CSMD1: variants seen among roughly 807,000 people sequenced by gnomAD.
The protein encoded by CSMD1 is CUB and Sushi multiple domains 1.
A neutral mutation model predicts 417.5 loss-of-function variants in CSMD1; 213 were observed. The ratio of observed to expected loss-of-function variants is 0.51; its 90% CI spans 0.46 to 0.57. The LOEUF (loss-of-function observed/expected upper bound fraction) is 0.57, where lower values mean the gene tolerates loss of function less well. Ranked by LOEUF, CSMD1 falls within the 20% of genes least tolerant of loss-of-function variation. The pLI, the probability that CSMD1 is intolerant of heterozygous loss-of-function variation, is 0.00. For synonymous variants in CSMD1, 2,862 were observed against 1,736.8 expected (o/e 1.65, Z -16.11); for missense variants, 6,923 against 4,529.7 (o/e 1.53, Z -15.17).
chr8:3,803,313 G>A (rs1056354610), intron 5 of CSMD1, among the ~76,000 whole-genome samples: 3 of 152,268 alleles, frequency 2.0e-5, no homozygotes, highest in African/African-American at 4.8e-5. Flanking sequence ...TGGGTAGGGA[G>A]ATACTGCTAT....
intron 3 of CSMD1, among the ~76,000 whole-genome samples, chr8:4,246,644 G>T (rs909717246): frequency 2.6e-5 from 4 of 152,130 alleles, no homozygotes; most frequent in Non-Finnish European, 5.9e-5. Flanking sequence ...TTCTGCAAAT[G>T]CTGAGGCAAG....
rs531321240 is a variant in CSMD1, at chr8:4,510,511, T to G, written c.303-90446A>C. Among the ~76,000 whole-genome samples, 58 of 150,284 alleles carry G rather than the reference T, an allele frequency of 3.9e-4. No individual in the cohort carries two copies. In the South Asian group the frequency reaches 9.5e-3, roughly 25 times the overall value. ...CTACCTCAGATAATAATTAGCTTCA[T>G]GAACTTAGGTGAGTCTCTTCCCTAC... On this transcript the variant is annotated intron_variant, in intron 2 of 69. Coordinates refer to ENST00000635120, the MANE Select transcript of CSMD1 (RefSeq NM_033225.6).
chr8:3,649,239 T>C (rs1797726412), intron 7 of CSMD1, among the ~76,000 whole-genome samples: 1 of 152,218 alleles, frequency 6.6e-6, no homozygotes, highest in Non-Finnish European at 1.5e-5. Context: ...TTATATATTC[T>C]TCTGTAACAT....
chr8:3,741,589 G>C (rs187189611), intron 6 of CSMD1, among the ~76,000 whole-genome samples: 2 of 152,276 alleles, frequency 1.3e-5, no homozygotes, highest in African/African-American at 2.4e-5. Context: ...TTAACTGTTT[G>C]TTAGAACCTG....
chr8:3,973,586 G>GA (rs1563271380), intron 5 of CSMD1, among the ~76,000 whole-genome samples: 1 of 151,958 alleles, frequency 6.6e-6, no homozygotes, highest in African/African-American at 2.4e-5. Context: ...AAAAAAGAAG[G>GA]AAAAAAGGGA....
chr8:3,972,304 T>C (rs553154957), intron 5 of CSMD1, among the ~76,000 whole-genome samples: 1 of 152,222 alleles, frequency 6.6e-6, no homozygotes, highest in South Asian at 2.1e-4. Context: ...ACCAACACAA[T>C]GTTAGAAATC....
At chr8:3,473,580 C>G (rs544887790) in intron 11 of CSMD1, among the ~76,000 whole-genome samples, 1 of 152,126 alleles carries the variant, frequency 6.6e-6, no homozygotes, top group African/African-American at 2.4e-5. Context: ...CCCTTTGCAA[C>G]TGGTTATCTG....
At chr8:4,090,514 G>T (rs1442196122) in intron 3 of CSMD1, among the ~76,000 whole-genome samples, 1 of 152,142 alleles carries the variant, frequency 6.6e-6, no homozygotes, top group Admixed American at 6.5e-5. Flanking sequence ...TTCATGGAAA[G>T]CTTTGTACAC....
At chr8:3,037,393 A>G (rs1810762141) in intron 50 of CSMD1, among the ~76,000 whole-genome samples, 1 of 150,140 alleles carries the variant, frequency 6.7e-6, no homozygotes, top group Admixed American at 6.7e-5. Context: ...TATTTTTAGT[A>G]GAGATGGGGT....
Position 3,298,452 on chromosome 8 carries a change from C to T in CSMD1, c.3950+9243G>A, listed in dbSNP as rs181447476. ...GAGACACATAATTAATAAAACTGTA[C>T]AATCTCTCTCTCTCTTTTTTAGACA... On this transcript the variant is annotated intron_variant, in intron 25 of 69. Transcript: ENST00000635120. Among the ~76,000 whole-genome samples the T allele has an allele frequency of 1.4e-4, 21 of 149,298 alleles. 1 individual carries two copies. The East Asian group carries it at 4.0e-3, about 28-fold the overall frequency.
At chr8:4,191,323 G>C (rs899614449) in intron 3 of CSMD1, among the ~76,000 whole-genome samples, 1 of 152,102 alleles carries the variant, frequency 6.6e-6, no homozygotes, top group African/African-American at 2.4e-5. Context: ...GTGAACCCGG[G>C]AGGCAGAGCC....
At chr8:4,888,880 A>C (rs1803924517) in intron 1 of CSMD1, among the ~76,000 whole-genome samples, 1 of 152,132 alleles carries the variant, frequency 6.6e-6, no homozygotes, top group Non-Finnish European at 1.5e-5. Context: ...AATAGCAAAG[A>C]TTTGTAACCC....
chr8:3,925,681 T>C (rs1386418995), intron 5 of CSMD1, among the ~76,000 whole-genome samples: 1 of 152,080 alleles, frequency 6.6e-6, no homozygotes, highest in East Asian at 1.9e-4. Flanking sequence ...TCCTCATTTT[T>C]CTCTTGCCAC....
At chr8:3,076,395 C>T (rs1313005497) in intron 49 of CSMD1, among the ~76,000 whole-genome samples, 1 of 73,294 alleles carries the variant, frequency 1.4e-5, no homozygotes, top group South Asian at 2.9e-4. Flanking sequence ...TAAAGAAAGA[C>T]CCTGTCTCCA....
At chr8:3,547,332 G>C (rs185095479) in intron 10 of CSMD1, among the ~76,000 whole-genome samples, 2 of 152,328 alleles carry the variant, frequency 1.3e-5, no homozygotes, top group South Asian at 2.1e-4. Flanking sequence ...TTCTAAGTGA[G>C]AATGTAAAAT....
chr8:3,883,140 C>A (rs769291261), intron 5 of CSMD1, among the ~76,000 whole-genome samples: 2 of 152,160 alleles, frequency 1.3e-5, no homozygotes, highest in Admixed American at 6.5e-5. Flanking sequence ...ATAACCACAT[C>A]ATACTTGCAA....
At chr8:3,608,921 G>A (rs1801754393) in intron 8 of CSMD1, among the ~76,000 whole-genome samples, 1 of 152,152 alleles carries the variant, frequency 6.6e-6, no homozygotes, top group Non-Finnish European at 1.5e-5. Flanking sequence ...ATGCTAAGCT[G>A]CAGGGCTTGG....
At chr8:4,236,026 G>GTTTTTTTTTT (rs147378202) in intron 3 of CSMD1, among the ~76,000 whole-genome samples, 8 of 108,122 alleles carry the variant, frequency 7.4e-5, no homozygotes, top group African/African-American at 2.5e-4. Flanking sequence ...AATGGATATT[G>GTTTTTTTTTT]TTTTTTTTGT....
At chr8:3,339,331 A>G (rs979292729) in intron 23 of CSMD1, among the ~76,000 whole-genome samples, 1 of 152,048 alleles carries the variant, frequency 6.6e-6, no homozygotes, top group Non-Finnish European at 1.5e-5. Context: ...CACTTTAAAG[A>G]TGTTCCTGAC....
Sources: allele counts gnomAD v4.1 joint callset (sites outside exome capture counted in the v4.1 genomes callset), GRCh38; gene constraint gnomAD v4.1.1; transcripts MANE v1.5; gene names NCBI Gene and HGNC (gene_info 2026-07-23, HGNC 2026-07-21).